MAMLD1: variants seen among roughly 807,000 people sequenced by gnomAD.
MAMLD1 encodes the protein mastermind like domain containing 1, also known as mastermind-like domain-containing protein 1.
Under a neutral mutation model 45.0 loss-of-function variants are expected in MAMLD1, and 14 were observed. That is an observed-to-expected ratio of 0.31 (90% CI 0.21 to 0.49). The LOEUF is 0.49. Ranked by LOEUF, MAMLD1 falls within the 20% of genes least tolerant of loss-of-function variation. The pLI, the probability that MAMLD1 is intolerant of heterozygous loss-of-function variation, is 0.99. For synonymous variants in MAMLD1, 254 were observed against 247.8 expected (o/e 1.02, Z -0.24); for missense variants, 543 against 603.6 (o/e 0.90, Z 1.05).
At chrX:150,428,583 A>C (rs1557403908) in intron 1 of MAMLD1, among the ~76,000 whole-genome samples, 3 of 112,233 alleles carry the variant, frequency 2.7e-5, no homozygotes, top group Non-Finnish European at 5.6e-5. Context: ...ATTTGGATGC[A>C]AAAGGTGGCT....
chrX:150,366,525 A>G (rs1167995467), intron 1 of MAMLD1, among the ~76,000 whole-genome samples: 1 of 112,593 alleles, frequency 8.9e-6, no homozygotes, highest in Non-Finnish European at 1.9e-5. Context: ...TGGTGCCTCC[A>G]TAAGAGAGAA....
Position 150,512,388 on chromosome X carries a change from G to A in MAMLD1, c.*429G>A. ...CAGCTCAGACGGCCTAGTGTGCCAA[G>A]AATGCCCACTGCGTTCAACAATGCT... On this transcript the variant is annotated 3_prime_UTR_variant, in exon 8 of 8. Coordinates refer to ENST00000370401, the MANE Select transcript of MAMLD1 (RefSeq NM_005491.5). 8.7e-7 allele frequency: 1 copy of A among 1,145,680 alleles called. No individual in the cohort carries two copies. Among genetic ancestry groups the A allele is most frequent in the Middle Eastern group, 2.4e-4 (1 of 4,251 alleles). 94.4% of individuals were successfully genotyped at this position (1,145,680 alleles called of 1,213,427 possible).
chrX:150,507,558 G>A (rs1208043629), intron 6 of MAMLD1, among the ~76,000 whole-genome samples: 2 of 112,149 alleles, frequency 1.8e-5, no homozygotes, highest in African/African-American at 6.5e-5. Flanking sequence ...GTCGCTTGCT[G>A]GTGGCACCCC....
intron 1 of MAMLD1, among the ~76,000 whole-genome samples, chrX:150,429,336 T>C (rs1235331010): frequency 1.1e-5 from 1 of 93,234 alleles, no homozygotes; most frequent in Non-Finnish European, 2.3e-5. Flanking sequence ...CATCAAAAGT[T>C]GATTGAAAAA....
At chrX:150,460,942 T>C (rs73246849) in intron 2 of MAMLD1, among the ~76,000 whole-genome samples, 15,708 of 111,903 alleles carry the variant, frequency 0.14, 962 homozygotes, top group African/African-American at 0.2. Context: ...GCGAGAAGCC[T>C]GCCACTGCCT....
rs1439048554 is a variant in MAMLD1, at chrX:150,416,086, A to G, written c.-63-29368A>G. ...CTTCCTCCTCCTAGTTAACTAGCACATTGCACATGTGGCCTCAACAGTTAT... is the reference window on the plus strand; with the variant it reads ...CTTCCTCCTCCTAGTTAACTAGCACGTTGCACATGTGGCCTCAACAGTTAT... On this transcript the variant is annotated intron_variant, in intron 1 of 7. Coordinates refer to ENST00000370401, the MANE Select transcript of MAMLD1 (RefSeq NM_005491.5). 4.5e-5 allele frequency among the ~76,000 whole-genome samples: 5 copies of G among 111,515 alleles called. No homozygotes were observed. The East Asian group carries it at 1.4e-3, about 31-fold the overall frequency.
chrX:150,417,458 C>T (rs1557402482), intron 1 of MAMLD1, among the ~76,000 whole-genome samples: 8 of 107,431 alleles, frequency 7.4e-5, no homozygotes, highest in Middle Eastern at 4.4e-3. Flanking sequence ...TGAATAGTGC[C>T]GCAATAAACA....
rs2036396620 is a variant in MAMLD1, at chrX:150,470,886, C to A, written c.1313C>A (p.Thr438Asn). Residue 438 changes from threonine to asparagine, a missense_variant, in exon 4 of 8, where the codon ACC becomes AAC. Transcript: ENST00000370401. ...AACCTCATGTCCTCTACCATCAAAA[C>A]CCCTCAAGGACACCTGATGTCTGCT... ...LANLMSSTIKTPQGHLMSALP... is the reference protein window; with the variant it reads ...LANLMSSTIKNPQGHLMSALP... 1 of 1,209,818 alleles carries A rather than the reference C, an allele frequency of 8.3e-7. No homozygotes were observed. Among genetic ancestry groups the A allele is most frequent in the African/African-American group, 1.8e-5 (1 of 57,047 alleles).
intron 5 of MAMLD1, 126 bp from the exon 6 acceptor site, chrX:150,503,148 C>T: frequency 1.6e-6 from 1 of 615,498 alleles, no homozygotes; most frequent in Non-Finnish European, 2.8e-6. Flanking sequence ...TTCGTTCCAC[C>T]AAAGCAGTTG....
At chrX:150,443,514 C>T (rs1265386649) in intron 1 of MAMLD1, among the ~76,000 whole-genome samples, 3 of 101,943 alleles carry the variant, frequency 2.9e-5, no homozygotes, top group Non-Finnish European at 6.0e-5. Flanking sequence ...CCCATTAACT[C>T]GTCATTTAGC....
At chrX:150,424,027 G>T (rs1557403707) in intron 1 of MAMLD1, among the ~76,000 whole-genome samples, 2 of 112,375 alleles carry the variant, frequency 1.8e-5, no homozygotes, top group African/African-American at 6.5e-5. Flanking sequence ...TGCTATTGTT[G>T]GTGTAAGATA....
chrX:150,427,989 C>T (rs1188864738), intron 1 of MAMLD1, among the ~76,000 whole-genome samples: 1 of 111,123 alleles, frequency 9.0e-6, no homozygotes, highest in Non-Finnish European at 1.9e-5. Context: ...AGGGATCCAG[C>T]AGGGTCCATG....
chrX:150,441,015 T>G (rs1056218177), intron 1 of MAMLD1, among the ~76,000 whole-genome samples: 12 of 104,623 alleles, frequency 1.1e-4, no homozygotes, highest in African/African-American at 4.1e-4. Context: ...AATATTAATA[T>G]TTAATAATTT....
At chrX:150,395,699 G>A (rs149851931) in intron 1 of MAMLD1, among the ~76,000 whole-genome samples, 2,137 of 110,642 alleles carry the variant, frequency 0.019, 50 homozygotes, top group African/African-American at 0.067. Flanking sequence ...ATTTTATCTA[G>A]GTTATCAAAC....
At chrX:150,400,863 T>C (rs1408862447) in intron 1 of MAMLD1, among the ~76,000 whole-genome samples, 7 of 108,792 alleles carry the variant, frequency 6.4e-5, no homozygotes, top group Non-Finnish European at 3.8e-5. Flanking sequence ...GGTTTGCCAG[T>C]ATTTTATTGA....
chrX:150,382,733 T>G (rs1472199650), intron 1 of MAMLD1, among the ~76,000 whole-genome samples: 1 of 111,200 alleles, frequency 9.0e-6, no homozygotes, highest in Non-Finnish European at 1.9e-5. Flanking sequence ...TTCAAAAATG[T>G]CAATATTTTC....
chrX:150,384,036 A>G (rs1200346398), intron 1 of MAMLD1, among the ~76,000 whole-genome samples: 8 of 111,913 alleles, frequency 7.1e-5, no homozygotes, highest in Non-Finnish European at 1.1e-4. Context: ...TTGAGCTGTT[A>G]TCACTTTTTG....
intron 1 of MAMLD1, among the ~76,000 whole-genome samples, chrX:150,431,485 G>GGGTCT (rs1162244348): frequency 9.1e-6 from 1 of 109,636 alleles, no homozygotes. Flanking sequence ...CATGTCACAG[G>GGGTCT]GGTCTGGTGT....
chrX:150,448,665 T>G (rs1203398176), intron 2 of MAMLD1, among the ~76,000 whole-genome samples: 1 of 112,328 alleles, frequency 8.9e-6, no homozygotes, highest in African/African-American at 3.2e-5. Context: ...TCTCTGCACT[T>G]AGTGTATGGA....
Sources: allele counts gnomAD v4.1 joint callset (sites outside exome capture counted in the v4.1 genomes callset), GRCh38; gene constraint gnomAD v4.1.1; transcripts MANE v1.5; gene names NCBI Gene and HGNC (gene_info 2026-07-23, HGNC 2026-07-21).